RUFY2: variants seen among roughly 807,000 people sequenced by gnomAD.
RUFY2 encodes RUN and FYVE domain-containing protein 2.
Under a neutral mutation model 94.4 loss-of-function variants are expected in RUFY2, and 49 were observed. The ratio of observed to expected loss-of-function variants is 0.52; its 90% CI spans 0.41 to 0.66. RUFY2 has a LOEUF of 0.66. Among genes scored for constraint, RUFY2 ranks in the 30% least tolerant of loss-of-function variants. The probability of loss-of-function intolerance (pLI) is 0.00; values close to 1 mark genes in which losing one functional copy is unlikely to be tolerated. For missense variants in RUFY2, 541 were observed against 692.8 expected, an observed-to-expected ratio of 0.78 and a Z score of 2.46; for synonymous variants, 255 against 235.7, an observed-to-expected ratio of 1.08 and a Z score of -0.75.
intron 6 of RUFY2, among the ~76,000 whole-genome samples, chr10:68,393,493 C>T (rs935750241): frequency 2.0e-5 from 3 of 151,952 alleles, no homozygotes; most frequent in Non-Finnish European, 4.4e-5. Flanking sequence ...TCTGGGAGGC[C>T]GAGGCAGGCA....
intron 16 of RUFY2, among the ~76,000 whole-genome samples, chr10:68,350,627 G>A (rs545347317): frequency 6.1e-4 from 93 of 152,134 alleles, no homozygotes; most frequent in African/African-American, 2.0e-3. Context: ...AGAGGAGAGT[G>A]CAATCAAGAA....
chr10:68,345,710 A>G lies in RUFY2; in HGVS notation c.*58T>C, dbSNP rs1026691269. On this transcript the variant is annotated 3_prime_UTR_variant, in exon 18 of 18. Transcript: ENST00000602465. ...GAGAGCTGTCTGGTTACCTTTGTAT[A>G]CAACATCATAACATTCATTGTAGGT... is the stretch of plus-strand genomic sequence containing the variant. 2.0e-5 allele frequency: 30 copies of G among 1,527,576 alleles called. 1 individual carries two copies. The South Asian group carries it at 2.3e-4, about 11-fold the overall frequency. The allele number at this position is 1,527,576 out of a possible 1,614,324, so 94.6% of individuals were successfully genotyped here.
rs2050221420 is a variant in RUFY2 at position 68,394,323 on chromosome 10, C to T, written c.522+5G>A. 6.2e-7 allele frequency: 1 copy of T among 1,613,886 alleles called. No individual in the cohort carries two copies. Among genetic ancestry groups the T allele is most frequent in the Non-Finnish European group, 8.5e-7 (1 of 1,179,868 alleles). On this transcript the variant is annotated splice_donor_5th_base_variant and intron_variant, in intron 5 of 17. Coordinates refer to ENST00000602465, the MANE Select transcript of RUFY2 (RefSeq NM_001330103.2). The stretch of plus-strand genomic sequence containing the variant: ...CTGCATTTGGCACTAGTCACTTTCA[C>T]TTACTTGTGAGTCTAAATCCTCTCC...
intron 3 of RUFY2, among the ~76,000 whole-genome samples, chr10:68,399,863 C>A (rs902649221): frequency 1.3e-5 from 2 of 152,126 alleles, no homozygotes; most frequent in African/African-American, 4.8e-5. Flanking sequence ...CTCACTGCAA[C>A]CTCTGCCTCC....
chr10:68,342,243 T>C, downstream of RUFY2: 1 of 501,616 alleles, frequency 2.0e-6, no homozygotes, highest in Non-Finnish European at 3.5e-6. Context: ...TTGCATACTT[T>C]GACTTAAAAA....
chr10:68,406,944 A>G (rs758074044), intron 1 of RUFY2: 9 of 1,552,338 alleles, frequency 5.8e-6, no homozygotes, highest in African/African-American at 2.7e-5. Context: ...TGGCACCTCG[A>G]GCCCTCGGCC....
chr10:68,348,522 GAAA>G (rs11387992), intron 16 of RUFY2, among the ~76,000 whole-genome samples: 5 of 138,744 alleles, frequency 3.6e-5, no homozygotes, highest in African/African-American at 1.1e-4. Flanking sequence ...TCTCTGAGGG[GAAA>G]AAAAAAAAAA....
chr10:68,378,340 A>T, intron 12 of RUFY2: 1 of 1,213,226 alleles, frequency 8.2e-7, no homozygotes, highest in Non-Finnish European at 1.0e-6. Context: ...GTCAATACTC[A>T]AATCACCCTT....
intron 8 of RUFY2, among the ~76,000 whole-genome samples, 155 bp from the exon 9 acceptor site, chr10:68,384,307 C>T (rs1164342637): frequency 6.6e-6 from 1 of 152,090 alleles, no homozygotes; most frequent in Non-Finnish European, 1.5e-5. Flanking sequence ...AAAACACGCT[C>T]GTTATTATCC....
chr10:68,405,632 G>T, intron 1 of RUFY2: 1 of 844,556 alleles, frequency 1.2e-6, no homozygotes, highest in Non-Finnish European at 1.4e-6. Context: ...TAGGATTCCA[G>T]TGTCATCCAC....
intron 16 of RUFY2, among the ~76,000 whole-genome samples, chr10:68,352,077 G>A (rs1477854124): frequency 6.6e-6 from 1 of 150,716 alleles, no homozygotes; most frequent in Non-Finnish European, 1.5e-5. Flanking sequence ...AAGAAAAAAA[G>A]TGTGAGGATA....
Position 68,401,636 on chromosome 10 carries a change from C to T in RUFY2, c.280G>A (p.Asp94Asn), listed in dbSNP as rs1313780446. Residue 94 changes from aspartate (D) to asparagine (N), a missense_variant, in exon 3 of 18, where the codon GAT becomes AAT. Asp to Asn is a conservative substitution (Grantham distance 23, BLOSUM62 1). Transcript: ENST00000602465. ...EAEEIGASVRDLPGLKTPLGR... is the reference protein window; with the variant it reads ...EAEEIGASVRNLPGLKTPLGR... ...CCTCCTTACTTCAGACCAGGTAGAT[C>T]CCGGACACTAGCTCCTATTTCCTCT... The T allele has an allele frequency of 1.2e-6, 2 of 1,611,634 alleles. No homozygotes were observed. Among genetic ancestry groups the T allele is most frequent in the Admixed American group, 3.3e-5 (2 of 60,004 alleles).
At chr10:68,376,575 C>T (rs1193170170) in intron 13 of RUFY2, among the ~76,000 whole-genome samples, 1 of 142,826 alleles carries the variant, frequency 7.0e-6, no homozygotes, top group African/African-American at 2.5e-5. Flanking sequence ...ACATAATGAC[C>T]ATCAGATTAA....
intron 8 of RUFY2, among the ~76,000 whole-genome samples, chr10:68,385,232 C>A (rs1308703609): frequency 6.6e-6 from 1 of 151,532 alleles, no homozygotes; most frequent in Non-Finnish European, 1.5e-5. Context: ...CCACTGCACT[C>A]CAGCCTGGGT....
In RUFY2 at chr10:68,371,483, C is replaced by T. The variant is rs567000538; in HGVS notation, c.1325+5370G>A. 1.3e-4 allele frequency among the ~76,000 whole-genome samples: 20 copies of T among 151,238 alleles called. No homozygotes were observed. In the South Asian group the frequency reaches 4.2e-3, roughly 32 times the overall value. ...GGCGCACGCCTGTAGTTCTAGCTACCCAGGAGACTGAGGCAGAAGAATCGC... is the reference window on the plus strand; with the variant it reads ...GGCGCACGCCTGTAGTTCTAGCTACTCAGGAGACTGAGGCAGAAGAATCGC... On this transcript the variant is annotated intron_variant, in intron 13 of 17. Transcript: ENST00000602465.
At chr10:68,406,860 C>A in intron 1 of RUFY2, 1 of 1,609,988 alleles carries the variant, frequency 6.2e-7, no homozygotes, top group Non-Finnish European at 8.5e-7. Context: ...CCTGAAAAGT[C>A]ATCGCCCCTC....
At chr10:68,392,338 T>C (rs1409931045) in intron 7 of RUFY2, among the ~76,000 whole-genome samples, 1 of 152,108 alleles carries the variant, frequency 6.6e-6, no homozygotes, top group Non-Finnish European at 1.5e-5. Context: ...CCACATCTCA[T>C]ATATTTCTAT....
chr10:68,380,388 A>G (rs1267576756), intron 11 of RUFY2, among the ~76,000 whole-genome samples: 1 of 151,748 alleles, frequency 6.6e-6, no homozygotes, highest in Non-Finnish European at 1.5e-5. Flanking sequence ...ACAGAAAACA[A>G]AAGAAAAAAA....
chr10:68,386,592 C>G (rs906470925), intron 7 of RUFY2, among the ~76,000 whole-genome samples: 4 of 152,140 alleles, frequency 2.6e-5, no homozygotes, highest in African/African-American at 7.2e-5. Flanking sequence ...TCATGACCCA[C>G]CCACCTCAGC....
Sources: allele counts gnomAD v4.1 joint callset (sites outside exome capture counted in the v4.1 genomes callset), GRCh38; gene constraint gnomAD v4.1.1; transcripts MANE v1.5; gene names NCBI Gene and HGNC (gene_info 2026-07-23, HGNC 2026-07-21).